Variants in SHISAL2A observed in about 807,000 individuals in gnomAD.
The protein encoded by SHISAL2A is shisa like 2A.
Under a neutral mutation model 11.5 loss-of-function variants are expected in SHISAL2A, and 18 were observed. The observed-to-expected ratio is 1.57, with a 90% CI of 1.08 to 2.33. The LOEUF is 2.33. Ranked by LOEUF, SHISAL2A falls within the 30% of genes most tolerant of loss-of-function variation. SHISAL2A has a pLI of 0.00. For synonymous variants in SHISAL2A, 94 were observed against 99.6 expected, an observed-to-expected ratio of 0.94 and a Z score of 0.34; for missense variants, 261 against 250.9, an observed-to-expected ratio of 1.04 and a Z score of -0.27.
intron 1 of SHISAL2A, among the ~76,000 whole-genome samples, chr1:52,638,931 G>A (rs1159924586): frequency 1.3e-5 from 2 of 152,218 alleles, no homozygotes; most frequent in East Asian, 1.9e-4. Flanking sequence ...CTTTGGCCAG[G>A]ATAGCCAAGG....
chr1:52,648,130 A>G (rs1195720467), intron 2 of SHISAL2A, among the ~76,000 whole-genome samples: 2 of 148,232 alleles, frequency 1.3e-5, no homozygotes, highest in African/African-American at 2.5e-5. Flanking sequence ...ATATTTCATT[A>G]TTACATAATT....
At chr1:52,665,356 G>A (rs1373902956) in intron 4 of SHISAL2A, among the ~76,000 whole-genome samples, 5 of 152,154 alleles carry the variant, frequency 3.3e-5, no homozygotes, top group African/African-American at 1.2e-4. Context: ...CTCTATCCAA[G>A]TGGGAGGTCA....
chr1:52,651,192 A>G (rs1691637397), intron 2 of SHISAL2A, among the ~76,000 whole-genome samples: 2 of 152,192 alleles, frequency 1.3e-5, no homozygotes, highest in Non-Finnish European at 2.9e-5. Context: ...GTCCCCAAAC[A>G]TAGCAGTGGG....
chr1:52,662,529 T>A (rs552414924), intron 4 of SHISAL2A, among the ~76,000 whole-genome samples: 11 of 149,846 alleles, frequency 7.3e-5, no homozygotes, highest in East Asian at 5.9e-4. Flanking sequence ...TTTTTTTTTT[T>A]AAATAAAGAT....
At chr1:52,666,803 G>C (rs1293704347) in intron 4 of SHISAL2A, among the ~76,000 whole-genome samples, 2 of 152,202 alleles carry the variant, frequency 1.3e-5, no homozygotes, top group Admixed American at 1.3e-4. Flanking sequence ...AGACCACAAA[G>C]CTAGATGAGA....
chr1:52,650,366 C>T (rs1203875492), intron 2 of SHISAL2A, among the ~76,000 whole-genome samples: 3 of 152,290 alleles, frequency 2.0e-5, no homozygotes, highest in East Asian at 1.9e-4. Context: ...GGCAGAGATG[C>T]CAGAAAACCT....
At chr1:52,666,584 G>A (rs1037797175) in intron 4 of SHISAL2A, among the ~76,000 whole-genome samples, 19 of 114,740 alleles carry the variant, frequency 1.7e-4, no homozygotes, top group African/African-American at 7.0e-4. Flanking sequence ...GCACACGCGC[G>A]TGTGTGTGTG....
At chr1:52,648,073 A>G (rs1691542486) in intron 2 of SHISAL2A, among the ~76,000 whole-genome samples, 1 of 37,518 alleles carries the variant, frequency 2.7e-5, no homozygotes, top group African/African-American at 1.6e-4. Context: ...ATATTAATAT[A>G]TCATATAATT....
chr1:52,658,654 A>T (rs1251382915), downstream of SHISAL2A, among the ~76,000 whole-genome samples: 1 of 152,224 alleles, frequency 6.6e-6, no homozygotes, highest in East Asian at 1.9e-4. Flanking sequence ...TATTATTATT[A>T]TTTTTAACAT....
intron 2 of SHISAL2A, 60 bp downstream of exon 2, chr1:52,643,062 G>C (rs1691407830): frequency 6.6e-7 from 1 of 1,524,864 alleles, no homozygotes; most frequent in Non-Finnish European, 9.0e-7. Context: ...TTCAAGGGGG[G>C]AGAAATGTAG....
At chr1:52,641,425 C>T (rs955124066) in intron 1 of SHISAL2A, among the ~76,000 whole-genome samples, 4 of 152,114 alleles carry the variant, frequency 2.6e-5, no homozygotes, top group Admixed American at 6.5e-5. Flanking sequence ...AATTGCTTGA[C>T]GTGTGGGGAA....
intron 2 of SHISAL2A, among the ~76,000 whole-genome samples, chr1:52,643,685 T>C (rs1691423620): frequency 6.6e-6 from 1 of 152,076 alleles, no homozygotes; most frequent in African/African-American, 2.4e-5. Flanking sequence ...AAACCCTGTC[T>C]CTACTAAAAA....
In SHISAL2A at chr1:52,633,343, T is replaced by G; in HGVS notation, c.-151T>G. On this transcript the variant is annotated 5_prime_UTR_variant, in exon 1 of 3. Transcript: ENST00000517870. This position sits in a 1 kb window ranked among gnomAD's most constrained non-coding sequence, Gnocchi z 6.4. ...CTCGGTCCTCGGGGCCCCGCGCTGC[T>G]GTCTCTGTCTCGGCTTCTCTCGGCC... is the stretch of plus-strand genomic sequence containing the variant. 2 of 704,214 alleles carry G rather than the reference T, an allele frequency of 2.8e-6. No individual in the cohort carries two copies. The highest frequency in any genetic ancestry group is 4.8e-5 in the South Asian group (2 of 41,758). 43.6% of individuals were successfully genotyped at this position (704,214 alleles called of 1,614,324 possible).
intron 2 of SHISAL2A, among the ~76,000 whole-genome samples, chr1:52,655,840 C>G (rs1691779933): frequency 6.6e-6 from 1 of 152,162 alleles, no homozygotes; most frequent in Admixed American, 6.6e-5. Context: ...TCTCTGGCTA[C>G]AGCATGGAGG....
intron 2 of SHISAL2A, among the ~76,000 whole-genome samples, chr1:52,654,926 T>C (rs754773030): frequency 2.2e-4 from 34 of 152,212 alleles, no homozygotes; most frequent in Non-Finnish European, 4.3e-4. Context: ...CTCATGCCTG[T>C]AATCCCAGCA....
rs1691171599 is a variant in SHISAL2A, at chr1:52,633,483, C to T, written c.-11C>T. On this transcript the variant is annotated 5_prime_UTR_variant, in exon 1 of 3. Coordinates refer to ENST00000517870, the MANE Select transcript of SHISAL2A (RefSeq NM_001042693.3). This position sits in a 1 kb window ranked among gnomAD's most constrained non-coding sequence, Gnocchi z 6.4. ...TGGCCCGAGGTGGCGGCGGGCTGGG[C>T]GCGGGGCGCGATGAGCGGCGCCTGC... The T allele has an allele frequency of 1.3e-6, 2 of 1,484,832 alleles. No homozygotes were observed. The highest frequency in any genetic ancestry group is 1.8e-6 in the Non-Finnish European group (2 of 1,124,432). The allele number at this position is 1,484,832 out of a possible 1,614,324, so 92.0% of individuals were successfully genotyped here. A position where few individuals can be genotyped will look rare whatever the true frequency, so the allele number is the denominator to read the frequency against.
At chr1:52,667,488 C>A (rs1308510607) in exon 5 of SHISAL2A, 22 of 510,960 alleles carry the variant, frequency 4.3e-5, no homozygotes, top group East Asian at 1.5e-4. Context: ...ATCACCATCA[C>A]CATCACCATC....
chr1:52,643,259 T>G (rs1178468433), intron 2 of SHISAL2A, among the ~76,000 whole-genome samples: 1 of 152,222 alleles, frequency 6.6e-6, no homozygotes, highest in Non-Finnish European at 1.5e-5. Context: ...TGTTGTGGAT[T>G]GTTTAAGATG....
At chr1:52,655,591 A>G (rs985129314) in intron 2 of SHISAL2A, among the ~76,000 whole-genome samples, 1 of 151,900 alleles carries the variant, frequency 6.6e-6, no homozygotes, top group African/African-American at 2.4e-5. Context: ...AAGCCACTGC[A>G]CTCCAGTCTT....
Sources: allele counts gnomAD v4.1 joint callset (sites outside exome capture counted in the v4.1 genomes callset), GRCh38; gene constraint gnomAD v4.1.1; non-coding constraint Gnocchi (gnomAD v3.1); transcripts MANE v1.5; gene names NCBI Gene and HGNC (gene_info 2026-07-23, HGNC 2026-07-21).